The following BRWD1 variants were observed in gnomAD, a reference collection of about 807,000 sequenced individuals.
BRWD1 encodes the protein bromodomain and WD repeat-containing protein 1.
BRWD1 carries 82 observed loss-of-function variants against 251.2 expected under a neutral mutation model. The ratio of observed to expected loss-of-function variants is 0.33; its 90% CI spans 0.27 to 0.39. The LOEUF (loss-of-function observed/expected upper bound fraction) is 0.39. Among genes scored for constraint, BRWD1 ranks in the 10% least tolerant of loss-of-function variants. The pLI, the probability that BRWD1 is intolerant of heterozygous loss-of-function variation, is 1.00. For synonymous variants in BRWD1, 918 were observed against 902.8 expected, an observed-to-expected ratio of 1.02 and a Z score of -0.30; for missense variants, 2,233 against 2,711.6, an observed-to-expected ratio of 0.82 and a Z score of 3.92.
chr21:39,204,845 GC>G, intron 37 of BRWD1, among the ~76,000 whole-genome samples: 1 of 152,128 alleles, frequency 6.6e-6, no homozygotes, highest in Non-Finnish European at 1.5e-5. Context: ...AAAATCGAAT[GC>G]CCCCACGGAT....
chr21:39,264,427 T>TAA, intron 17 of BRWD1, 33 bp downstream of exon 17: 1 of 1,017,046 alleles, frequency 9.8e-7, no homozygotes, highest in South Asian at 1.6e-5. Flanking sequence ...AAGTACAACT[T>TAA]TAAAAAAAAA....
chr21:39,261,435 A>T (rs2034742102), intron 17 of BRWD1, among the ~76,000 whole-genome samples: 1 of 152,202 alleles, frequency 6.6e-6, no homozygotes, highest in South Asian at 2.1e-4. Flanking sequence ...AAAGACATGT[A>T]TTCATGTGCA....
At chr21:39,315,333 A>G (rs2036679052), upstream of BRWD1, among the ~76,000 whole-genome samples, 1 of 152,000 alleles carries the variant, frequency 6.6e-6, no homozygotes, top group African/African-American at 2.4e-5. Context: ...TTATAAATGG[A>G]CATAGATATC....
intron 3 of BRWD1, 36 bp from the exon 4 acceptor site, chr21:39,312,936 C>G (rs768813715): frequency 9.0e-7 from 1 of 1,116,776 alleles, no homozygotes; most frequent in Non-Finnish European, 1.1e-6. Flanking sequence ...GTGACCACCC[C>G]TCCGGCGCGG....
rs774262535 is a variant in BRWD1 at position 39,194,728 on chromosome 21, G to A, written c.*1531C>T. 3.3e-6 allele frequency: 5 copies of A among 1,535,242 alleles called. No homozygotes were observed. Among genetic ancestry groups the A allele is most frequent in the Non-Finnish European group, 4.4e-6 (5 of 1,146,038 alleles). The stretch of plus-strand genomic sequence containing the variant: ...GCTTCGCCTTGTCTGCCACTTCAAA[G>A]ATACACAGGAGAAAAGGTTTTGTCT... On this transcript the variant is annotated 3_prime_UTR_variant, in exon 41 of 41. Coordinates refer to ENST00000342449, the MANE Select transcript of BRWD1 (RefSeq NM_033656.4).
At chr21:39,313,357 C>CCGGG in intron 1 of BRWD1, 58 bp from the exon 2 acceptor site, 1 of 1,473,530 alleles carries the variant, frequency 6.8e-7, no homozygotes, top group East Asian at 2.7e-5. Context: ...GGGACGGGGC[C>CCGGG]AGGGGAGCCG....
At position 39,282,075 on chromosome 21, in the gene BRWD1, T is replaced by C. The variant is rs79711097; in HGVS notation, c.832-1827A>G. Among the ~76,000 whole-genome samples the C allele has an allele frequency of 1.8e-3, 276 of 151,916 alleles. 1 individual carries two copies. The highest frequency in any genetic ancestry group is 6.3e-3 in the African/African-American group (260 of 41,494). ...GTATATATACACGTATACGTATATA[T>C]GGACATATACACATACGTATATAAA... On this transcript the variant is annotated intron_variant, in intron 8 of 40. Coordinates refer to ENST00000342449, the MANE Select transcript of BRWD1 (RefSeq NM_033656.4).
chr21:39,188,387 C>A lies in BRWD1; in HGVS notation c.*7872G>T. The A allele has an allele frequency of 1.0e-6, 1 of 985,354 alleles. No homozygotes were observed. Among genetic ancestry groups the A allele is most frequent in the Non-Finnish European group, 1.2e-6 (1 of 829,900 alleles). 61.0% of individuals were successfully genotyped at this position (985,354 alleles called of 1,614,324 possible). On this transcript the variant is annotated 3_prime_UTR_variant, in exon 41 of 41. Coordinates refer to ENST00000342449, the MANE Select transcript of BRWD1 (RefSeq NM_033656.4). Reference sequence around the variant, plus strand: ...GATCACTGAAATAACCAGTTGATATCCTCCACCCACACTAGACATCTGGAG... The same window carrying A: ...GATCACTGAAATAACCAGTTGATATACTCCACCCACACTAGACATCTGGAG...
In BRWD1 at chr21:39,194,930, T is replaced by A; in HGVS notation, c.*1329A>T. 4.0e-6 allele frequency: 6 copies of A among 1,486,826 alleles called. No homozygotes were observed. The highest frequency in any genetic ancestry group is 3.6e-6 in the Non-Finnish European group (4 of 1,124,208). 92.1% of individuals were successfully genotyped at this position (1,486,826 alleles called of 1,614,324 possible). A position where few individuals can be genotyped will look rare whatever the true frequency, so the allele number is the denominator to read the frequency against. ...AGGTGGGGTACTGTAACATATCCCT[T>A]ACCCACTAAATATGTAAACCATTTG... is the stretch of plus-strand genomic sequence containing the variant. On this transcript the variant is annotated 3_prime_UTR_variant, in exon 41 of 41. Coordinates refer to ENST00000342449, the MANE Select transcript of BRWD1 (RefSeq NM_033656.4).
chr21:39,270,470 A>T (rs1264602056), intron 13 of BRWD1, 37 bp from the exon 14 acceptor site: 1 of 1,516,294 alleles, frequency 6.6e-7, no homozygotes, highest in Non-Finnish European at 9.0e-7. Context: ...ACTTATTTAG[A>T]TGGCTGGCTA....
chr21:39,320,999 C>T (rs1369520255), intron 1 of BRWD1: 2 of 151,958 alleles, frequency 1.3e-5, no homozygotes, highest in Non-Finnish European at 2.9e-5. Context: ...ACATGCAACT[C>T]ATCAGTAAAC....
chr21:39,236,722 A>G lies in BRWD1; in HGVS notation c.2639T>C (p.Leu880Ser). The G allele has an allele frequency of 6.2e-7, 1 of 1,614,158 alleles. No individual in the cohort carries two copies. The highest frequency in any genetic ancestry group is 8.5e-7 in the Non-Finnish European group (1 of 1,180,012). The change falls in exon 23 of 41, where the codon TTA (leucine) becomes TCA (serine). Residue 880 changes from leucine to serine, a missense_variant. By Grantham distance (145) the Leu-to-Ser change is moderately radical. Transcript: ENST00000342449. Reference sequence around the variant, plus strand: ...AATTCGTCGACGACATGATGTTCTTAAAGGAGGCTGCAAATTGATGCCCGC... The same window carrying G: ...AATTCGTCGACGACATGATGTTCTTGAAGGAGGCTGCAAATTGATGCCCGC... Reference protein sequence around the residue: ...ADAGINLQPPLRTSCRRRITR... With the variant: ...ADAGINLQPPSRTSCRRRITR...
chr21:39,237,090 T>G (rs1189262873), intron 22 of BRWD1, among the ~76,000 whole-genome samples: 1 of 152,108 alleles, frequency 6.6e-6, no homozygotes, highest in Non-Finnish European at 1.5e-5. Context: ...AATTACCCCT[T>G]CAAGGAAACA....
intron 29 of BRWD1, among the ~76,000 whole-genome samples, chr21:39,223,267 CTTTTT>C (rs780333458): frequency 1.1e-4 from 17 of 151,864 alleles, no homozygotes; most frequent in Non-Finnish European, 1.6e-4. Flanking sequence ...TTTTTTTTAA[CTTTTT>C]TTAAGTCTGA....
chr21:39,270,205 ATAT>A, intron 14 of BRWD1, 75 bp downstream of exon 14: 1 of 1,353,320 alleles, frequency 7.4e-7, no homozygotes, highest in Non-Finnish European at 9.9e-7. Flanking sequence ...CTTGTTCAAT[ATAT>A]TATTTTTATA....
At chr21:39,303,215 T>C (rs1481023476) in intron 4 of BRWD1, among the ~76,000 whole-genome samples, 4 of 151,886 alleles carry the variant, frequency 2.6e-5, no homozygotes, top group Non-Finnish European at 5.9e-5. Context: ...TAAAAGGATA[T>C]ATAACTAAAA....
upstream of BRWD1, chr21:39,313,915 G>C (rs1291987356): frequency 3.2e-6 from 1 of 315,360 alleles, no homozygotes; most frequent in African/African-American, 2.3e-5. Context: ...GCGGCAGCGC[G>C]ACGCCGGGTG....
chr21:39,240,868 A>T (rs1381504718), intron 21 of BRWD1, among the ~76,000 whole-genome samples: 1 of 152,046 alleles, frequency 6.6e-6, no homozygotes, highest in Non-Finnish European at 1.5e-5. Flanking sequence ...TAAACTCTAC[A>T]TACTAGGGTT....
Position 39,298,468 on chromosome 21 carries a change from C to T in BRWD1, c.313G>A (p.Gly105Ser). 6.2e-7 allele frequency: 1 copy of T among 1,606,474 alleles called. No homozygotes were observed. The highest frequency in any genetic ancestry group is 1.7e-5 in the Admixed American group (1 of 58,140). ...CGTAGCAAAGACTGCCTTCCTGCAC[C>T]AAGTAAAGAAGTGACTCTTGAAATA... ...PSISRVTSLL[G>S]AGRQSLLRTA... Residue 105 changes from glycine (G) to serine (S), a missense_variant, in exon 5 of 41, where the codon GGT (glycine) becomes AGT (serine). By Grantham distance (56) the Gly-to-Ser change is moderately conservative (BLOSUM62 0). Coordinates refer to ENST00000342449, the MANE Select transcript of BRWD1 (RefSeq NM_033656.4).
Sources: gnomAD v4.1 joint callset for allele counts (sites outside exome capture counted in the v4.1 genomes callset) on GRCh38, gnomAD v4.1.1 for gene constraint, MANE v1.5 for transcripts, NCBI Gene and HGNC (gene_info 2026-07-23, HGNC 2026-07-21) for gene names.